Variants in CAMK2D observed in about 807,000 individuals in gnomAD.
The protein encoded by CAMK2D is calcium/calmodulin dependent protein kinase II delta.
Under a neutral mutation model 84.0 loss-of-function variants are expected in CAMK2D, and 37 were observed. That is an observed-to-expected ratio of 0.44 (90% CI 0.34 to 0.58). The LOEUF (loss-of-function observed/expected upper bound fraction) is 0.58, where lower values mean the gene tolerates loss of function less well. Among genes scored for constraint, CAMK2D ranks in the 20% least tolerant of loss-of-function variants. CAMK2D has a pLI of 0.02. For synonymous variants in CAMK2D, 202 were observed against 212.5 expected (o/e 0.95, Z 0.43); for missense variants, 448 against 652.5 (o/e 0.69, Z 3.41).
At position 113,607,946 on chromosome 4, in the gene CAMK2D, G is replaced by A. The variant is rs6816155; in HGVS notation, c.275+1206C>T. On this transcript the variant is annotated intron_variant, in intron 4 of 20. Coordinates refer to ENST00000511664, the MANE Select transcript of CAMK2D (RefSeq NM_001321571.2). ...ACTAAATTATTATTTGTCAATGCCA[G>A]TTGTAATTTCATTCCCTTAACAAAT... Among the ~76,000 whole-genome samples the A allele has an allele frequency of 1.5e-3, 234 of 152,364 alleles. 1 individual carries two copies. Among genetic ancestry groups the A allele is most frequent in the African/African-American group, 5.4e-3 (224 of 41,586 alleles).
At chr4:113,519,290 A>T (rs988815754) in intron 8 of CAMK2D, among the ~76,000 whole-genome samples, 1 of 152,218 alleles carries the variant, frequency 6.6e-6, no homozygotes, top group African/African-American at 2.4e-5. Context: ...AGCATTCTCA[A>T]CATAGGCTGT....
At chr4:113,492,456 G>C (rs929828474) in intron 16 of CAMK2D, among the ~76,000 whole-genome samples, 2 of 152,214 alleles carry the variant, frequency 1.3e-5, no homozygotes, top group Admixed American at 1.3e-4. Context: ...GCGGTTTTGA[G>C]TGAGATTCTT....
chr4:113,553,091 G>A lies in CAMK2D; in HGVS notation c.276-995C>T, dbSNP rs139876899. 2.5e-3 allele frequency among the ~76,000 whole-genome samples: 378 copies of A among 152,208 alleles called. 1 individual carries two copies. Among genetic ancestry groups the A allele is most frequent in the African/African-American group, 8.8e-3 (364 of 41,524 alleles). On this transcript the variant is annotated intron_variant, in intron 4 of 20. Transcript: ENST00000511664. ...TTTAACCTTGTAAGAGCTAACATTT[G>A]CTGAGTTCTTACAATAAACCACACA...
Position 113,451,130 on chromosome 4 carries a change from AT to A in CAMK2D, c.*3414del. ...ATAATTTTTTACATAAAAATTCAAA[AT>A]TTGGGTGAAGATTAATATTCCTTGA... On this transcript the variant is annotated 3_prime_UTR_variant, in exon 21 of 21. Transcript: ENST00000511664. 6.6e-6 allele frequency: 1 copy of A among 152,202 alleles called. No individual in the cohort carries two copies. 9.4% of individuals were successfully genotyped at this position (152,202 alleles called of 1,614,324 possible). A position where few individuals can be genotyped will look rare whatever the true frequency, so the allele number is the denominator to read the frequency against.
intron 4 of CAMK2D, among the ~76,000 whole-genome samples, chr4:113,574,840 T>A (rs1038333059): frequency 1.3e-5 from 2 of 152,206 alleles, no homozygotes; most frequent in African/African-American, 4.8e-5. Flanking sequence ...AGAGAACACA[T>A]AAATGAAAAC....
chr4:113,574,144 C>T (rs977930595), intron 4 of CAMK2D, among the ~76,000 whole-genome samples: 5 of 152,204 alleles, frequency 3.3e-5, no homozygotes, highest in African/African-American at 9.6e-5. Flanking sequence ...TGGTTTACCA[C>T]CTTTTGCCAC....
intron 4 of CAMK2D, among the ~76,000 whole-genome samples, chr4:113,560,968 T>C (rs1231192724): frequency 6.6e-6 from 1 of 151,954 alleles, no homozygotes; most frequent in African/African-American, 2.4e-5. Context: ...GAAACTTTCA[T>C]AGAGGAGGTG....
intron 4 of CAMK2D, among the ~76,000 whole-genome samples, chr4:113,597,940 T>A (rs2098934704): frequency 6.6e-6 from 1 of 152,048 alleles, no homozygotes; most frequent in Admixed American, 6.6e-5. Flanking sequence ...GGCCAGTCAG[T>A]GGGGGCAGTC....
intron 7 of CAMK2D, among the ~76,000 whole-genome samples, chr4:113,531,515 T>A (rs1490740579): frequency 6.6e-6 from 1 of 152,194 alleles, no homozygotes; most frequent in African/African-American, 2.4e-5. Context: ...AAAAAATACA[T>A]CTTTTTTTCC....
At chr4:113,458,893 C>A (rs1334771633) in intron 18 of CAMK2D, among the ~76,000 whole-genome samples, 1 of 152,052 alleles carries the variant, frequency 6.6e-6, no homozygotes, top group Non-Finnish European at 1.5e-5. Context: ...TCCCTTAATG[C>A]AAGATGCAAA....
At position 113,554,623 on chromosome 4, in the gene CAMK2D, G is replaced by GA. The variant is rs576300785; in HGVS notation, c.276-2528dup. Among the ~76,000 whole-genome samples the GA allele has an allele frequency of 1.7e-4, 26 of 151,994 alleles. No homozygotes were observed. In the South Asian group the frequency reaches 4.4e-3, roughly 26 times the overall value. ...ATATGTATGATAAATGTCTGAAAAG[G>GA]AAAAAATATCAGTTATAATAGAATT... On this transcript the variant is annotated intron_variant, in intron 4 of 20. Transcript: ENST00000511664.
At chr4:113,649,239 C>T (rs1243576681) in intron 3 of CAMK2D, among the ~76,000 whole-genome samples, 5 of 152,192 alleles carry the variant, frequency 3.3e-5, no homozygotes, top group African/African-American at 1.2e-4. Context: ...CCTGACACCA[C>T]ATAATTATGC....
chr4:113,556,898 G>T (rs940794291), intron 4 of CAMK2D, among the ~76,000 whole-genome samples: 1 of 152,150 alleles, frequency 6.6e-6, no homozygotes, highest in African/African-American at 2.4e-5. Flanking sequence ...TGGCTCACAG[G>T]AAGAGCTTAA....
At chr4:113,471,277 T>C (rs2097543643) in intron 16 of CAMK2D, among the ~76,000 whole-genome samples, 1 of 152,192 alleles carries the variant, frequency 6.6e-6, no homozygotes, top group Admixed American at 6.5e-5. Context: ...CCAGGATACA[T>C]CCTTAGCCTC....
At chr4:113,647,204 T>A (rs1361239219) in intron 3 of CAMK2D, among the ~76,000 whole-genome samples, 1 of 152,216 alleles carries the variant, frequency 6.6e-6, no homozygotes, top group Non-Finnish European at 1.5e-5. Flanking sequence ...CCTAATAAAA[T>A]CTGTTCTGAT....
At chr4:113,610,850 C>A in intron 3 of CAMK2D, among the ~76,000 whole-genome samples, 1 of 152,110 alleles carries the variant, frequency 6.6e-6, no homozygotes, top group Non-Finnish European at 1.5e-5. Context: ...CCTTTAATAC[C>A]TTTCCCTTCT....
At chr4:113,640,339 G>A (rs2099127545) in intron 3 of CAMK2D, among the ~76,000 whole-genome samples, 1 of 152,132 alleles carries the variant, frequency 6.6e-6, no homozygotes, top group East Asian at 1.9e-4. Flanking sequence ...GTAGGCAGAA[G>A]GGGAATTCAC....
intron 4 of CAMK2D, among the ~76,000 whole-genome samples, chr4:113,600,899 T>G (rs1055025881): frequency 1.3e-5 from 2 of 152,182 alleles, no homozygotes; most frequent in Non-Finnish European, 2.9e-5. Flanking sequence ...CCTCCTGAAG[T>G]GCTGAGGTTA....
chr4:113,707,402 A>G (rs2099463537), intron 2 of CAMK2D, among the ~76,000 whole-genome samples: 1 of 152,202 alleles, frequency 6.6e-6, no homozygotes, highest in African/African-American at 2.4e-5. Context: ...CTAGAAATAT[A>G]TGGGTTATTA....
Sources: gnomAD v4.1 joint callset for allele counts (sites outside exome capture counted in the v4.1 genomes callset) on GRCh38, gnomAD v4.1.1 for gene constraint, MANE v1.5 for transcripts, NCBI Gene and HGNC (gene_info 2026-07-23, HGNC 2026-07-21) for gene names.